KIAA1549: variants seen among roughly 807,000 people sequenced by gnomAD.
KIAA1549 encodes UPF0606 protein KIAA1549.
A neutral mutation model predicts 156.4 loss-of-function variants in KIAA1549; 70 were observed. The ratio of observed to expected loss-of-function variants is 0.45; its 90% CI spans 0.37 to 0.55. The LOEUF (loss-of-function observed/expected upper bound fraction) is 0.55, where lower values mean the gene tolerates loss of function less well. KIAA1549 is among the 20% of genes least tolerant of loss of function. The probability of loss-of-function intolerance (pLI) is 0.00; values close to 1 mark genes in which losing one functional copy is unlikely to be tolerated. For missense variants in KIAA1549, 2,428 were observed against 2,540.9 expected (o/e 0.96, Z 0.96); for synonymous variants, 1,103 against 1,066.4 (o/e 1.03, Z -0.67).
chr7:138,950,924 T>A (rs1268599355), intron 1 of KIAA1549, among the ~76,000 whole-genome samples: 2 of 152,100 alleles, frequency 1.3e-5, no homozygotes, highest in African/African-American at 2.4e-5. Flanking sequence ...ATCAGCATCA[T>A]GTCACATGAG....
intron 1 of KIAA1549, among the ~76,000 whole-genome samples, chr7:138,946,418 T>C (rs1813338671): frequency 6.6e-6 from 1 of 152,204 alleles, no homozygotes; most frequent in Non-Finnish European, 1.5e-5. Context: ...TTACTCTTTC[T>C]TTCGCTTGGC....
intron 1 of KIAA1549, among the ~76,000 whole-genome samples, chr7:138,975,332 C>T (rs1021561082): frequency 1.3e-5 from 2 of 152,140 alleles, no homozygotes; most frequent in African/African-American, 4.8e-5. Context: ...AAAAGAAGAG[C>T]CATCTGCAAT....
chr7:138,885,149 C>T (rs186996306), intron 10 of KIAA1549, among the ~76,000 whole-genome samples: 28 of 152,290 alleles, frequency 1.8e-4, no homozygotes, highest in African/African-American at 5.8e-4. Flanking sequence ...GAGCTGAGAT[C>T]GAACCGTTGT....
At chr7:138,925,796 C>T (rs1406440570) in intron 1 of KIAA1549, among the ~76,000 whole-genome samples, 2 of 123,646 alleles carry the variant, frequency 1.6e-5, no homozygotes, top group Non-Finnish European at 3.2e-5. Context: ...TGCCACTGTA[C>T]TCCAGCCTGG....
chr7:138,902,984 T>C (rs982298990), intron 8 of KIAA1549, among the ~76,000 whole-genome samples: 6 of 152,198 alleles, frequency 3.9e-5, no homozygotes. Context: ...GTTCACTTTA[T>C]TCTTTACACA....
chr7:138,938,072 A>G (rs577789749), intron 1 of KIAA1549, among the ~76,000 whole-genome samples: 2 of 152,140 alleles, frequency 1.3e-5, no homozygotes, highest in Non-Finnish European at 2.9e-5. Context: ...GGCCTTTGGA[A>G]GGTGACTAGG....
Position 138,837,221 on chromosome 7 carries a change from C to A in KIAA1549, c.*685G>T, listed in dbSNP as rs1809735821. The A allele has an allele frequency of 4.4e-6, 1 of 226,874 alleles. No homozygotes were observed. The highest frequency in any genetic ancestry group is 5.7e-5 in the Admixed American group (1 of 17,556). 14.1% of individuals were successfully genotyped at this position (226,874 alleles called of 1,614,324 possible). On this transcript the variant is annotated 3_prime_UTR_variant, in exon 20 of 20. Transcript: ENST00000422774. The stretch of plus-strand genomic sequence containing the variant: ...AACAAAATGAAACCTTCAACATATT[C>A]TTCCACTGAAAAAGCCAAAGTTCCA...
At chr7:138,908,875 A>T (rs964609662) in intron 5 of KIAA1549, 116 bp downstream of exon 5, 9 of 1,268,712 alleles carry the variant, frequency 7.1e-6, no homozygotes, top group Non-Finnish European at 9.9e-6. Flanking sequence ...CCCGACTCAC[A>T]TAAACTGGGT....
chr7:138,853,697 C>A (rs1019086708), intron 16 of KIAA1549, among the ~76,000 whole-genome samples: 2 of 152,066 alleles, frequency 1.3e-5, no homozygotes, highest in African/African-American at 2.4e-5. Context: ...TTGTGGAGTT[C>A]CCCAACTGAG....
At chr7:138,936,990 A>T (rs1381420718) in intron 1 of KIAA1549, among the ~76,000 whole-genome samples, 3 of 152,130 alleles carry the variant, frequency 2.0e-5, no homozygotes, top group Non-Finnish European at 4.4e-5. Context: ...TTCATCTAAA[A>T]GGAAAGAAAC....
At chr7:138,850,735 T>C (rs1810210980) in intron 17 of KIAA1549, among the ~76,000 whole-genome samples, 1 of 152,200 alleles carries the variant, frequency 6.6e-6, no homozygotes, top group Non-Finnish European at 1.5e-5. Flanking sequence ...TTTGCTTTTG[T>C]TGTGATTGCT....
rs575482000 is a variant in KIAA1549, at chr7:138,869,660, G to A, written c.4653C>T (p.Asp1551=). The A allele has an allele frequency of 2.0e-5, 32 of 1,612,188 alleles. No homozygotes were observed. Among genetic ancestry groups the A allele is most frequent in the Middle Eastern group, 2.0e-4 (1 of 5,070 alleles). Reference sequence around the variant, plus strand: ...CCTTAGTGTCGCCCGAGGACAGGTCGTCTACCACCGGGAACTCGTAGTGCC... The same window carrying A: ...CCTTAGTGTCGCCCGAGGACAGGTCATCTACCACCGGGAACTCGTAGTGCC... The part of the protein sequence containing the change: ...RRGHYEFPVV[D]DLSSGDTKER... Residue 1551 remains aspartate (D), a synonymous_variant, in exon 14 of 20, where the codon GAC becomes GAT. Coordinates refer to ENST00000422774, the MANE Select transcript of KIAA1549 (RefSeq NM_001164665.2).
At chr7:138,865,788 C>T (rs1365036077) in intron 15 of KIAA1549, among the ~76,000 whole-genome samples, 1 of 152,090 alleles carries the variant, frequency 6.6e-6, no homozygotes, top group African/African-American at 2.4e-5. Context: ...TGAAGACAGC[C>T]AGGAGAAGAC....
Position 138,879,556 on chromosome 7 carries a change from G to T in KIAA1549, c.4327C>A (p.His1443Asn). The T allele has an allele frequency of 1.3e-6, 2 of 1,564,016 alleles. No homozygotes were observed. The highest frequency in any genetic ancestry group is 1.7e-6 in the Non-Finnish European group (2 of 1,153,710). The change falls in exon 12 of 20, where the codon CAC becomes AAC. Residue 1443 changes from histidine (H) to asparagine (N), a missense_variant. By Grantham distance (68) the His-to-Asn change is moderately conservative. This residue lies in a region of KIAA1549 where 404 missense variants were observed against 417.0 expected (regional missense o/e 0.97). Transcript: ENST00000422774. ...TPGAVNDGRS[H>N]RAPQSGPPLP... is the part of the protein sequence containing the mutation. ...CACAGACCGCTCTGCGGAGCTCTGT[G>T]GGACCTGCCATCGTTGACGGCTCCC...
chr7:138,936,569 A>G (rs922737126), intron 1 of KIAA1549, among the ~76,000 whole-genome samples: 10 of 152,136 alleles, frequency 6.6e-5, no homozygotes, highest in African/African-American at 2.4e-4. Context: ...TTGGTTTGGG[A>G]ACCAGGAGAG....
intron 15 of KIAA1549, 45 bp from the exon 16 acceptor site, chr7:138,861,501 T>C (rs1810577974): frequency 6.7e-7 from 1 of 1,486,434 alleles, no homozygotes; most frequent in Admixed American, 1.9e-5. Context: ...TGAGTTTTTG[T>C]GGCAACCCTA....
At chr7:138,890,171 AGACT>A (rs1811507558) in intron 10 of KIAA1549, among the ~76,000 whole-genome samples, 1 of 152,206 alleles carries the variant, frequency 6.6e-6, no homozygotes, top group South Asian at 2.1e-4. Flanking sequence ...CAAGCCCAGG[AGACT>A]GACTGGTGGG....
chr7:138,837,637 G>C lies in KIAA1549; in HGVS notation c.*269C>G. ...GCAGTCATTTTGTTAGCTTAGGTTT[G>C]TGTTTTGTTTTTGTGAAGTGCTGCT... On this transcript the variant is annotated 3_prime_UTR_variant, in exon 20 of 20. Coordinates refer to ENST00000422774, the MANE Select transcript of KIAA1549 (RefSeq NM_001164665.2). 1 of 556,966 alleles carries C rather than the reference G, an allele frequency of 1.8e-6. No individual in the cohort carries two copies. The highest frequency in any genetic ancestry group is 2.7e-5 in the South Asian group (1 of 37,524). 34.5% of individuals were successfully genotyped at this position (556,966 alleles called of 1,614,324 possible). A position where few individuals can be genotyped will look rare whatever the true frequency, so the allele number is the denominator to read the frequency against.
chr7:138,905,201 T>G, intron 6 of KIAA1549, 120 bp from the exon 7 acceptor site: 1 of 713,792 alleles, frequency 1.4e-6, no homozygotes. Flanking sequence ...GAACAAAATG[T>G]CAGATTAGCG....
Sources: allele counts gnomAD v4.1 joint callset (sites outside exome capture counted in the v4.1 genomes callset), GRCh38; gene constraint gnomAD v4.1.1; regional missense constraint gnomAD v4.1.1; transcripts MANE v1.5; gene names NCBI Gene and HGNC (gene_info 2026-07-23, HGNC 2026-07-21).